RAD51AP2: variants seen among roughly 807,000 people sequenced by gnomAD.
The protein encoded by RAD51AP2 is RAD51-associated protein 2.
A neutral mutation model predicts 85.5 loss-of-function variants in RAD51AP2; 67 were observed. The observed-to-expected ratio is 0.78, with a 90% CI of 0.64 to 0.96. The LOEUF (loss-of-function observed/expected upper bound fraction) is 0.96, where lower values mean the gene tolerates loss of function less well. RAD51AP2 is among the 40% of genes least tolerant of loss of function. The pLI, the probability that RAD51AP2 is intolerant of heterozygous loss-of-function variation, is 0.00. For missense variants in RAD51AP2, 1,307 were observed against 1,332.4 expected, an observed-to-expected ratio of 0.98 and a Z score of 0.30; for synonymous variants, 474 against 446.5, an observed-to-expected ratio of 1.06 and a Z score of -0.78.
the RAD51AP2 span, among the ~76,000 whole-genome samples, chr2:17,529,352 T>G: frequency 6.6e-6 from 1 of 151,968 alleles, no homozygotes; most frequent in Non-Finnish European, 1.5e-5. Flanking sequence ...AAGTGCAGAA[T>G]TATGTATCAT....
rs375080398 is a variant in RAD51AP2, at chr2:17,517,315, G to T, written c.1101C>A (p.Phe367Leu). The T allele has an allele frequency of 1.2e-6, 2 of 1,613,776 alleles. No homozygotes were observed. The highest frequency in any genetic ancestry group is 2.7e-5 in the African/African-American group (2 of 74,886). ...QCNVRDSRKN[F>L]AILENANWEE... Reference sequence around the variant, plus strand: ...CCCAATTTGCATTTTCTAGTATAGCGAAATTCTTTCTAGAGTCTCTTACAT... The same window carrying T: ...CCCAATTTGCATTTTCTAGTATAGCTAAATTCTTTCTAGAGTCTCTTACAT... Residue 367 changes from phenylalanine (F) to leucine (L), a missense_variant, in exon 1 of 3, where the codon TTC becomes TTA. Around this residue, in one of 3 missense-constraint regions of RAD51AP2, gnomAD observed 635 missense variants for 643.6 expected, o/e 0.99. Transcript: ENST00000399080.
Position 17,516,852 on chromosome 2 carries a change from C to T in RAD51AP2, c.1564G>A (p.Gly522Arg), listed in dbSNP as rs767056429. ...AAAATACTATTATCTTTTTTATTTCCTGAAATACTTTTATGGAAATAAAAA... is the reference window on the plus strand; with the variant it reads ...AAAATACTATTATCTTTTTTATTTCTTGAAATACTTTTATGGAAATAAAAA... ...EIFYFHKSISGNKKDNSILTC... is the reference protein window; with the variant it reads ...EIFYFHKSISRNKKDNSILTC... Residue 522 changes from glycine (G) to arginine (R), a missense_variant, in exon 1 of 3, where the codon GGA (glycine) becomes AGA (arginine). Coordinates refer to ENST00000399080, the MANE Select transcript of RAD51AP2 (RefSeq NM_001099218.3). The T allele has an allele frequency of 6.5e-7, 1 of 1,547,772 alleles. No homozygotes were observed. Among genetic ancestry groups the T allele is most frequent in the South Asian group, 1.2e-5 (1 of 81,738 alleles).
chr2:17,535,356 C>T, the RAD51AP2 span, among the ~76,000 whole-genome samples: 1 of 152,094 alleles, frequency 6.6e-6, no homozygotes, highest in South Asian at 2.1e-4. Context: ...TCTCAAGAGC[C>T]AGAAAATGAT....
At chr2:17,527,264 A>G in the RAD51AP2 span, among the ~76,000 whole-genome samples, 11 of 152,254 alleles carry the variant, frequency 7.2e-5, no homozygotes, top group Admixed American at 1.3e-4. Context: ...AGAGGAAAGG[A>G]AGAAGGGAGG....
the RAD51AP2 span, among the ~76,000 whole-genome samples, chr2:17,525,269 T>C: frequency 6.6e-6 from 1 of 152,176 alleles, no homozygotes; most frequent in Non-Finnish European, 1.5e-5. Flanking sequence ...GTTTGGTATA[T>C]TCCACATAAC....
At chr2:17,526,780 A>G in the RAD51AP2 span, among the ~76,000 whole-genome samples, 3 of 152,174 alleles carry the variant, frequency 2.0e-5, no homozygotes, top group Non-Finnish European at 1.5e-5. Context: ...AAGGCATACA[A>G]GAAAAGGATA....
chr2:17,519,100 A>T (rs887094423), upstream of RAD51AP2, among the ~76,000 whole-genome samples: 1 of 148,078 alleles, frequency 6.8e-6, no homozygotes, highest in African/African-American at 2.5e-5. Flanking sequence ...ACTTAAGACT[A>T]AAAAAAAAAT....
In RAD51AP2 at chr2:17,515,996, T is replaced by C. The variant is rs370539491; in HGVS notation, c.2420A>G (p.His807Arg). 1.2e-6 allele frequency: 2 copies of C among 1,613,654 alleles called. No individual in the cohort carries two copies. Among genetic ancestry groups the C allele is most frequent in the East Asian group, 2.2e-5 (1 of 44,844 alleles). Reference sequence around the variant, plus strand: ...TAGTACTTGAGTTATAGAAGTGGTATGGGTCTCTTCATTATGTATTATGTT... The same window carrying C: ...TAGTACTTGAGTTATAGAAGTGGTACGGGTCTCTTCATTATGTATTATGTT... Reference protein sequence around the residue: ...SHNIIHNEETHTTSITQVLNF... With the variant: ...SHNIIHNEETRTTSITQVLNF... The change falls in exon 1 of 3, where the codon CAT becomes CGT. Residue 807 changes from histidine (H) to arginine (R), a missense_variant. Around this residue, in one of 3 missense-constraint regions of RAD51AP2, gnomAD observed 668 missense variants for 671.0 expected, o/e 1.00. Transcript: ENST00000399080.
At chr2:17,532,537 A>T in the RAD51AP2 span, among the ~76,000 whole-genome samples, 18 of 152,174 alleles carry the variant, frequency 1.2e-4, no homozygotes, top group Non-Finnish European at 2.6e-4. Context: ...AAAAATTATA[A>T]GAAAAAAATC....
the RAD51AP2 span, among the ~76,000 whole-genome samples, chr2:17,534,561 T>C: frequency 6.6e-6 from 1 of 152,176 alleles, no homozygotes; most frequent in African/African-American, 2.4e-5. Flanking sequence ...TCTTCTTTTT[T>C]TTTTAATCAA....
rs1245993877 is a variant in RAD51AP2 at position 17,517,737 on chromosome 2, T to C, written c.679A>G (p.Ile227Val). The part of the protein sequence containing the change: ...VVPSNKRENN[I>V]SSSVLKISKS... Reference sequence around the variant, plus strand: ...GATATTTTTAGTACAGATGATGAAATGTTATTTTCTCTTTTATTTGATGGC... The same window carrying C: ...GATATTTTTAGTACAGATGATGAAACGTTATTTTCTCTTTTATTTGATGGC... The change falls in exon 1 of 3, where the codon ATT (isoleucine) becomes GTT (valine). Residue 227 changes from isoleucine (I) to valine (V), a missense_variant. Ile to Val is a conservative substitution (Grantham distance 29). Around this residue, in one of 3 missense-constraint regions of RAD51AP2, gnomAD observed 635 missense variants for 643.6 expected, o/e 0.99. Coordinates refer to ENST00000399080, the MANE Select transcript of RAD51AP2 (RefSeq NM_001099218.3). 1.9e-6 allele frequency: 3 copies of C among 1,613,416 alleles called. No individual in the cohort carries two copies. Among genetic ancestry groups the C allele is most frequent in the Non-Finnish European group, 2.5e-6 (3 of 1,179,860 alleles).
chr2:17,512,294 C>G (rs1384357606), intron 2 of RAD51AP2, among the ~76,000 whole-genome samples: 1 of 152,198 alleles, frequency 6.6e-6, no homozygotes, highest in Non-Finnish European at 1.5e-5. Context: ...TCTAACTAGG[C>G]AGATCAGTAA....
At chr2:17,520,520 G>A (rs1460023821), upstream of RAD51AP2, among the ~76,000 whole-genome samples, 4 of 152,024 alleles carry the variant, frequency 2.6e-5, no homozygotes, top group Non-Finnish European at 5.9e-5. Flanking sequence ...ACAGTAAACT[G>A]AGCTTTAAAG....
rs1294248156 is a variant in RAD51AP2, at chr2:17,510,787, G to A, written c.*17C>T. On this transcript the variant is annotated 3_prime_UTR_variant, in exon 3 of 3. Transcript: ENST00000399080. ...AAAACATTTCTAGATGTTGTAAAAT[G>A]TTTTGAAATATGAAAGTCAAAAATT... 2.7e-6 allele frequency: 4 copies of A among 1,495,938 alleles called. No individual in the cohort carries two copies. The highest frequency in any genetic ancestry group is 2.4e-5 in the East Asian group (1 of 42,506). 92.7% of individuals were successfully genotyped at this position (1,495,938 alleles called of 1,614,324 possible).
At chr2:17,530,584 CAAAAAAAAAAAAAAA>C in the RAD51AP2 span, among the ~76,000 whole-genome samples, 3 of 80,250 alleles carry the variant, frequency 3.7e-5, no homozygotes, top group African/African-American at 6.2e-5. Flanking sequence ...GGCCCTGTCT[CAAAAAAAAAAAAAAA>C]AAAAAAAAAA....
upstream of RAD51AP2, among the ~76,000 whole-genome samples, chr2:17,518,637 C>G (rs1045252838): frequency 6.6e-6 from 1 of 151,270 alleles, no homozygotes; most frequent in Admixed American, 6.6e-5. Flanking sequence ...CCACGCGCCC[C>G]GGTTGTCTCA....
At chr2:17,514,887 T>A (rs1400869144) in intron 1 of RAD51AP2, among the ~76,000 whole-genome samples, 2 of 151,726 alleles carry the variant, frequency 1.3e-5, no homozygotes, top group Non-Finnish European at 2.9e-5. Context: ...ATTGTGGAAT[T>A]AACAATGTAA....
chr2:17,518,552 C>A (rs975584296), upstream of RAD51AP2: 8 of 1,073,906 alleles, frequency 7.4e-6, no homozygotes, highest in South Asian at 3.3e-5. Flanking sequence ...TTTGCCCCAC[C>A]CCGAATCCGC....
At chr2:17,532,006 A>C in the RAD51AP2 span, among the ~76,000 whole-genome samples, 1 of 152,078 alleles carries the variant, frequency 6.6e-6, no homozygotes, top group African/African-American at 2.4e-5. Flanking sequence ...CACATCTCTT[A>C]ATTCAAACCT....
Sources: allele counts gnomAD v4.1 joint callset (sites outside exome capture counted in the v4.1 genomes callset), GRCh38; gene constraint gnomAD v4.1.1; regional missense constraint gnomAD v4.1.1; transcripts MANE v1.5; gene names NCBI Gene and HGNC (gene_info 2026-07-23, HGNC 2026-07-21).